Variants in LRRC63 observed in about 807,000 individuals in gnomAD.
The protein encoded by LRRC63 is leucine-rich repeat-containing protein 63.
LRRC63 carries 40 observed loss-of-function variants against 49.5 expected under a neutral mutation model. The observed-to-expected ratio is 0.81, with a 90% CI of 0.63 to 1.05. LRRC63 has a LOEUF of 1.05. Ranked by LOEUF, LRRC63 falls within the 50% of genes least tolerant of loss-of-function variation. LRRC63 has a pLI of 0.00. For missense variants in LRRC63, 636 were observed against 663.1 expected, an observed-to-expected ratio of 0.96 and a Z score of 0.45; for synonymous variants, 191 against 221.1, an observed-to-expected ratio of 0.86 and a Z score of 1.21.
chr13:46,214,176 T>G (rs1167078436), intron 2 of LRRC63, among the ~76,000 whole-genome samples: 4 of 152,220 alleles, frequency 2.6e-5, no homozygotes, highest in African/African-American at 9.6e-5. Flanking sequence ...TGATTTTAGT[T>G]GATTGCAGTT....
chr13:46,239,170 A>G (rs2046985937), intron 5 of LRRC63, among the ~76,000 whole-genome samples: 1 of 152,224 alleles, frequency 6.6e-6, no homozygotes, highest in Admixed American at 6.5e-5. Flanking sequence ...GACACAAAAA[A>G]GAATTCAAAA....
At chr13:46,254,108 G>A (rs2047451419) in intron 7 of LRRC63, among the ~76,000 whole-genome samples, 2 of 152,126 alleles carry the variant, frequency 1.3e-5, no homozygotes, top group Admixed American at 6.6e-5. Flanking sequence ...GAGAAGCTCA[G>A]TAAGAGTAAA....
chr13:46,226,569 A>G (rs2046582572), intron 2 of LRRC63, among the ~76,000 whole-genome samples: 1 of 152,128 alleles, frequency 6.6e-6, no homozygotes. Context: ...TCCTTGTGGC[A>G]TATATTCCTC....
chr13:46,227,834 T>G (rs753529535), exon 3 of LRRC63: 1 of 1,549,940 alleles, frequency 6.5e-7, no homozygotes, highest in Non-Finnish European at 8.7e-7. Context: ...AGTTTAAAAC[T>G]ATGAAAGATG....
rs973210651 is a variant in LRRC63, at chr13:46,250,292, A to G, written c.1090-63A>G. ...TAGTTCAGAGAGTTTATAAAAGGTA[A>G]CAAATAATGATTTGCATACTTTATT... On this transcript the variant is annotated intron_variant, in intron 6 of 9. Transcript: ENST00000595396. 2.0e-4 allele frequency: 261 copies of G among 1,310,414 alleles called. 1 individual carries two copies. The highest frequency in any genetic ancestry group is 8.2e-5 in the Admixed American group (3 of 36,558). The allele number at this position is 1,310,414 out of a possible 1,614,324, so 81.2% of individuals were successfully genotyped here.
chr13:46,258,547 C>T (rs1424452892), intron 7 of LRRC63, among the ~76,000 whole-genome samples: 30 of 150,618 alleles, frequency 2.0e-4, no homozygotes, highest in Non-Finnish European at 3.3e-4. Flanking sequence ...TGGTGGCTCA[C>T]GCCTGTAATC....
intron 9 of LRRC63, among the ~76,000 whole-genome samples, chr13:46,269,685 G>C (rs1240509646): frequency 6.6e-6 from 1 of 151,090 alleles, no homozygotes; most frequent in Non-Finnish European, 1.5e-5. Flanking sequence ...TTATAAATTT[G>C]ACAAAAGTGT....
intron 9 of LRRC63, among the ~76,000 whole-genome samples, chr13:46,273,148 A>G (rs1191176969): frequency 6.6e-6 from 1 of 152,240 alleles, no homozygotes; most frequent in Non-Finnish European, 1.5e-5. Flanking sequence ...CATAGGGGAA[A>G]GATTCAGGGA....
chr13:46,275,324 T>G (rs2047819362), intron 9 of LRRC63, among the ~76,000 whole-genome samples: 1 of 152,210 alleles, frequency 6.6e-6, no homozygotes, highest in African/African-American at 2.4e-5. Context: ...TCCTTTGCTT[T>G]GGATAAATAC....
chr13:46,220,796 GT>G (rs1233646139), intron 2 of LRRC63, among the ~76,000 whole-genome samples: 1 of 152,178 alleles, frequency 6.6e-6, no homozygotes, highest in Non-Finnish European at 1.5e-5. Flanking sequence ...GAAAAGCATA[GT>G]TTTTGGGTTG....
intron 7 of LRRC63, among the ~76,000 whole-genome samples, chr13:46,259,779 G>T (rs10507538): frequency 1.3e-5 from 2 of 151,942 alleles, no homozygotes; most frequent in Non-Finnish European, 2.9e-5. Flanking sequence ...ATCCTACACT[G>T]GTATGTTAAA....
At chr13:46,229,341 A>G (rs1274661807) in intron 4 of LRRC63, among the ~76,000 whole-genome samples, 1 of 152,244 alleles carries the variant, frequency 6.6e-6, no homozygotes, top group Non-Finnish European at 1.5e-5. Flanking sequence ...CCAAAAATAT[A>G]TAAAGTAGCT....
chr13:46,271,677 G>A (rs11618903), intron 9 of LRRC63, among the ~76,000 whole-genome samples: 5,161 of 149,540 alleles, frequency 0.035, 129 homozygotes, highest in Admixed American at 0.065. Context: ...ATTCAAAGGC[G>A]TAGAAGCCTT....
At chr13:46,250,424 A>G in exon 7 of LRRC63, 3 of 1,533,780 alleles carry the variant, frequency 2.0e-6, no homozygotes, top group Non-Finnish European at 2.6e-6. Context: ...TCCTTCTGAA[A>G]TTCAACAACT....
At chr13:46,216,614 G>A (rs1329424005) in intron 2 of LRRC63, among the ~76,000 whole-genome samples, 1 of 152,154 alleles carries the variant, frequency 6.6e-6, no homozygotes, top group Non-Finnish European at 1.5e-5. Flanking sequence ...TTGCCTGATT[G>A]TGCTGGCCAG....
intron 7 of LRRC63, 84 bp downstream of exon 7, chr13:46,250,575 G>A (rs771216944): frequency 1.4e-5 from 16 of 1,164,600 alleles, no homozygotes; most frequent in Non-Finnish European, 1.9e-5. Flanking sequence ...AAAGCAGCTA[G>A]CAGCTTTTTG....
At chr13:46,232,636 TGAGAGAAAGATAGA>T (rs2046796252) in intron 4 of LRRC63, among the ~76,000 whole-genome samples, 1 of 152,004 alleles carries the variant, frequency 6.6e-6, no homozygotes, top group South Asian at 2.1e-4. Flanking sequence ...CCTAACACGT[TGAGAGAAAGATAGA>T]GAGAGAAAGA....
chr13:46,234,516 T>C (rs527930048), intron 5 of LRRC63, among the ~76,000 whole-genome samples, 167 bp downstream of exon 5: 1 of 152,340 alleles, frequency 6.6e-6, no homozygotes, highest in African/African-American at 2.4e-5. Flanking sequence ...ATATTCCTAG[T>C]TTGCCTTCAG....
At chr13:46,266,879 A>G in exon 9 of LRRC63, 1 of 1,549,038 alleles carries the variant, frequency 6.5e-7, no homozygotes, top group Middle Eastern at 1.7e-4. Flanking sequence ...AATCCACAAC[A>G]ACTTACTCAA....
Sources: allele counts gnomAD v4.1 joint callset (sites outside exome capture counted in the v4.1 genomes callset), GRCh38; gene constraint gnomAD v4.1.1; transcripts MANE v1.5; gene names NCBI Gene and HGNC (gene_info 2026-07-23, HGNC 2026-07-21).